PASD1: variants seen among roughly 807,000 people sequenced by gnomAD.
PASD1 encodes the protein circadian clock protein PASD1.
In PASD1, 13 loss-of-function variants were observed where a neutral mutation model predicts 58.8. The observed-to-expected ratio is 0.22, with a 90% confidence interval of 0.14 to 0.35. The LOEUF (loss-of-function observed/expected upper bound fraction) is 0.35. Among genes scored for constraint, PASD1 ranks in the 10% least tolerant of loss-of-function variants. The pLI, the probability that PASD1 is intolerant of heterozygous loss-of-function variation, is 1.00. For missense variants in PASD1, 734 were observed against 568.3 expected (o/e 1.29, Z -2.96); for synonymous variants, 236 against 216.7 (o/e 1.09, Z -0.78).
rs372806683 is a variant in PASD1, at chrX:151,676,089, G to A, written c.2268G>A (p.Ala756=). The A allele has an allele frequency of 9.1e-6, 11 of 1,208,636 alleles. No homozygotes were observed. Among genetic ancestry groups the A allele is most frequent in the Non-Finnish European group, 1.2e-5 (11 of 894,484 alleles). ...ACCAGCCAGACCAGATGAGATCTGC[G>A]GAGCAGACCAGATTGATGCCTGCAG... ...AAYQPDQMRS[A]EQTRLMPAEQ... The change falls in exon 16 of 16, where the codon GCG becomes GCA. Residue 756 remains alanine (A), a synonymous_variant. Transcript: ENST00000370357.
intron 15 of PASD1, among the ~76,000 whole-genome samples, chrX:151,675,739 C>T (rs1320632362): frequency 1.8e-5 from 2 of 112,085 alleles, no homozygotes; most frequent in East Asian, 5.7e-4. Context: ...GACACAGACC[C>T]AGGAGCCTTA....
At chrX:151,606,180 T>C (rs958019200) in intron 3 of PASD1, among the ~76,000 whole-genome samples, 1 of 49,864 alleles carries the variant, frequency 2.0e-5, no homozygotes, top group African/African-American at 8.8e-5. Context: ...GAAAAGTCTG[T>C]TCTTTATTCT....
intron 1 of PASD1, among the ~76,000 whole-genome samples, chrX:151,585,454 T>A (rs1039546366): frequency 1.8e-5 from 2 of 111,416 alleles, no homozygotes; most frequent in East Asian, 5.7e-4. Context: ...ATCAAGTCAG[T>A]GTATAAGATC....
intron 7 of PASD1, among the ~76,000 whole-genome samples, chrX:151,623,430 AC>A (rs202220413): frequency 0.03 from 3,304 of 111,477 alleles, 136 homozygotes; most frequent in African/African-American, 0.1. Context: ...CTCCACCACA[AC>A]CCCATTGGGT....
rs2014093199 is a variant in PASD1, at chrX:151,648,671, C to T, written c.686C>T (p.Ala229Val). ...TSMKAVYVEP[A>V]AAAAAAAISD... The stretch of plus-strand genomic sequence containing the variant: ...ATGAAAGCCGTGTACGTTGAACCCG[C>T]TGCTGCTGCTGCTGCTGCTGCTATC... The change falls in exon 9 of 16, where the codon GCT (alanine) becomes GTT (valine). Residue 229 changes from alanine to valine, a missense_variant. Ala to Val is a moderately conservative substitution (Grantham distance 64, BLOSUM62 0). Coordinates refer to ENST00000370357, the MANE Select transcript of PASD1 (RefSeq NM_173493.3). 4 of 1,130,324 alleles carry T rather than the reference C, an allele frequency of 3.5e-6. No homozygotes were observed. The highest frequency in any genetic ancestry group is 4.8e-6 in the Non-Finnish European group (4 of 839,915). The allele number at this position is 1,130,324 out of a possible 1,213,427, so 93.2% of individuals were successfully genotyped here.
intron 8 of PASD1, among the ~76,000 whole-genome samples, chrX:151,632,571 G>A (rs62609292): frequency 0.22 from 24,586 of 110,119 alleles, 2,225 homozygotes; most frequent in Non-Finnish European, 0.28. Context: ...TATTTCTCTT[G>A]TTTTTCAATG....
intron 4 of PASD1, among the ~76,000 whole-genome samples, chrX:151,618,739 G>A (rs1189860488): frequency 9.0e-6 from 1 of 111,679 alleles, no homozygotes; most frequent in East Asian, 2.8e-4. Context: ...TTGGGAACGA[G>A]TGCTTCACAT....
At chrX:151,670,915 T>C in intron 11 of PASD1, 123 bp from the exon 12 acceptor site, 1 of 806,417 alleles carries the variant, frequency 1.2e-6, no homozygotes, top group Non-Finnish European at 1.7e-6. Context: ...ATGAATGAAA[T>C]CAGGATTTGA....
At chrX:151,657,102 T>C (rs1321491665) in intron 9 of PASD1, among the ~76,000 whole-genome samples, 1 of 112,066 alleles carries the variant, frequency 8.9e-6, no homozygotes, top group Non-Finnish European at 1.9e-5. Flanking sequence ...CTTTTCTGCA[T>C]CTATTGAGAT....
At chrX:151,611,830 TA>T in intron 4 of PASD1, 77 bp downstream of exon 4, 4 of 744,557 alleles carry the variant, frequency 5.4e-6, no homozygotes, top group Non-Finnish European at 7.8e-6. Context: ...TTTCTTTTTT[TA>T]TTATACTTTA....
intron 14 of PASD1, 31 bp downstream of exon 14, chrX:151,672,692 T>C: frequency 8.3e-7 from 1 of 1,200,255 alleles, no homozygotes. Context: ...TGATAGTGGC[T>C]ATGATTATTG....
chrX:151,663,641 A>G (rs1169052101), intron 10 of PASD1, among the ~76,000 whole-genome samples: 2 of 112,177 alleles, frequency 1.8e-5, no homozygotes. Flanking sequence ...AAATGACTGT[A>G]CCATTTTGCA....
Position 151,565,165 on chromosome X carries a change from G to A in PASD1, c.-28+1326G>A, listed in dbSNP as rs200991001. On this transcript the variant is annotated intron_variant, in intron 1 of 15. Coordinates refer to ENST00000370357, the MANE Select transcript of PASD1 (RefSeq NM_173493.3). The stretch of plus-strand genomic sequence containing the variant: ...CTTAGTTCTTTCAGTAAGTTAAGCT[G>A]TATCTAAAGTAGATTTGTTGTGCTT... 1.3e-4 allele frequency among the ~76,000 whole-genome samples: 15 copies of A among 112,050 alleles called. No individual in the cohort carries two copies. In the East Asian group the frequency reaches 4.2e-3, roughly 31 times the overall value.
chrX:151,613,133 C>T (rs190326306), intron 4 of PASD1, among the ~76,000 whole-genome samples: 1,177 of 111,247 alleles, frequency 0.011, 10 homozygotes, highest in Middle Eastern at 0.042. Flanking sequence ...GTTGTAGATA[C>T]GTGGCATTAT....
At chrX:151,572,917 T>C (rs1232547513) in intron 1 of PASD1, among the ~76,000 whole-genome samples, 12 of 101,425 alleles carry the variant, frequency 1.2e-4, no homozygotes, top group Admixed American at 1.0e-3. Flanking sequence ...ACAGGAAGCA[T>C]GGTATTGGCT....
intron 1 of PASD1, among the ~76,000 whole-genome samples, chrX:151,594,269 G>A (rs983840420): frequency 4.5e-5 from 5 of 111,640 alleles, no homozygotes; most frequent in African/African-American, 9.8e-5. Context: ...CACCGTGCCC[G>A]GCTGATAATT....
chrX:151,660,708 C>G lies in PASD1; in HGVS notation c.841+872C>G, dbSNP rs142462901. Among the ~76,000 whole-genome samples, 99 of 112,607 alleles carry G rather than the reference C, an allele frequency of 8.8e-4. 1 individual carries two copies. Among genetic ancestry groups the G allele is most frequent in the African/African-American group, 3.1e-3 (95 of 31,034 alleles). On this transcript the variant is annotated intron_variant, in intron 10 of 15. Coordinates refer to ENST00000370357, the MANE Select transcript of PASD1 (RefSeq NM_173493.3). ...GCCAATGATGGAGAAATCCTTATAACCTTCCACAGATGACTGTTCCAACAA... is the reference window on the plus strand; with the variant it reads ...GCCAATGATGGAGAAATCCTTATAAGCTTCCACAGATGACTGTTCCAACAA...
intron 4 of PASD1, among the ~76,000 whole-genome samples, chrX:151,616,291 A>G: frequency 9.0e-6 from 1 of 111,282 alleles, no homozygotes; most frequent in Non-Finnish European, 1.9e-5. Context: ...AGTGGGTTGG[A>G]TTAATGTGGC....
At chrX:151,572,899 T>C (rs1015205093) in intron 1 of PASD1, among the ~76,000 whole-genome samples, 1 of 104,385 alleles carries the variant, frequency 9.6e-6, no homozygotes, top group African/African-American at 3.5e-5. Context: ...AACAGTTCTT[T>C]AGGTTTTACA....
Sources: gnomAD v4.1 joint callset for allele counts (sites outside exome capture counted in the v4.1 genomes callset) on GRCh38, gnomAD v4.1.1 for gene constraint, MANE v1.5 for transcripts, NCBI Gene and HGNC (gene_info 2026-07-23, HGNC 2026-07-21) for gene names.